The following ORC3 variants were observed in gnomAD, a reference collection of about 807,000 sequenced individuals.
ORC3 encodes homolog of latheo, Drosophila.
In ORC3, 78 loss-of-function variants were observed where a neutral mutation model predicts 100.7. That is an observed-to-expected ratio of 0.77 (90% confidence interval 0.65 to 0.94). ORC3 has a LOEUF of 0.94. Among genes scored for constraint, ORC3 ranks in the 40% least tolerant of loss-of-function variants. The pLI, the probability that ORC3 is intolerant of heterozygous loss-of-function variation, is 0.00. For missense variants in ORC3, 789 were observed against 823.9 expected (o/e 0.96, Z 0.52); for synonymous variants, 295 against 289.3 (o/e 1.02, Z -0.20).
chr6:87,668,037 TACAACTC>T (rs1770753494), downstream of ORC3, among the ~76,000 whole-genome samples: 1 of 152,060 alleles, frequency 6.6e-6, no homozygotes, highest in Non-Finnish European at 1.5e-5. Flanking sequence ...CCCAAACAAA[TACAACTC>T]AGATGAGCAA....
intron 11 of ORC3, among the ~76,000 whole-genome samples, chr6:87,627,331 T>C (rs71572769): frequency 0.058 from 7,910 of 136,914 alleles, 301 homozygotes; most frequent in African/African-American, 0.11. Flanking sequence ...GGTCTCGCTC[T>C]ATCGCCCAGG....
chr6:87,660,374 G>T (rs555362123), intron 16 of ORC3, among the ~76,000 whole-genome samples: 2 of 152,336 alleles, frequency 1.3e-5, no homozygotes, highest in African/African-American at 4.8e-5. Context: ...GGCAGCTAAA[G>T]GCCAGAGAGG....
downstream of ORC3, among the ~76,000 whole-genome samples, chr6:87,672,141 A>G (rs1770847197): frequency 6.6e-6 from 1 of 152,202 alleles, no homozygotes; most frequent in South Asian, 2.1e-4. Context: ...ACTCGATGTT[A>G]AATTAGGGAA....
intron 16 of ORC3, among the ~76,000 whole-genome samples, chr6:87,659,052 A>C (rs1041986709): frequency 7.8e-6 from 1 of 127,970 alleles, no homozygotes; most frequent in Admixed American, 7.9e-5. Flanking sequence ...ATCATTGTTT[A>C]TTGTAATTTT....
At chr6:87,621,635 A>G (rs1422244386) in intron 10 of ORC3, 148 bp downstream of exon 10, 1 of 677,038 alleles carries the variant, frequency 1.5e-6, no homozygotes, top group African/African-American at 1.9e-5. Context: ...GGATTTGAAA[A>G]TTTGGCAAAA....
chr6:87,639,429 C>T lies in ORC3; in HGVS notation c.1382+2943C>T, dbSNP rs551476563. Among the ~76,000 whole-genome samples the T allele has an allele frequency of 5.3e-5, 8 of 152,272 alleles. No individual in the cohort carries two copies. The South Asian group carries it at 1.0e-3, about 20-fold the overall frequency. On this transcript the variant is annotated intron_variant, in intron 13 of 19. Coordinates refer to ENST00000392844, the MANE Select transcript of ORC3 (RefSeq NM_012381.4). ...CTACCTTCCCCCAACAACTCTCTTG[C>T]GTGTTAGAGAGAAGGGGCCCTCCCA... is the stretch of plus-strand genomic sequence containing the variant.
At chr6:87,649,598 T>C (rs1430021144) in intron 13 of ORC3, among the ~76,000 whole-genome samples, 1 of 152,028 alleles carries the variant, frequency 6.6e-6, no homozygotes, top group East Asian at 1.9e-4. Context: ...AAATACAAAA[T>C]TAGCCGGCGT....
chr6:87,666,188 G>C (rs1375395669), intron 19 of ORC3, among the ~76,000 whole-genome samples: 1 of 152,178 alleles, frequency 6.6e-6, no homozygotes, highest in Non-Finnish European at 1.5e-5. Context: ...CTGGAGTGCA[G>C]TAGTGCGATC....
chr6:87,673,271 G>A, the ORC3 span, among the ~76,000 whole-genome samples: 3 of 145,818 alleles, frequency 2.1e-5, no homozygotes, highest in Admixed American at 7.0e-5. Flanking sequence ...AGCGATTCTC[G>A]TGCTTCAGCC....
chr6:87,675,382 T>C, the ORC3 span: 1 of 609,110 alleles, frequency 1.6e-6, no homozygotes, highest in Non-Finnish European at 2.9e-6. Context: ...GCCACTGGTA[T>C]TAATACAGGT....
the ORC3 span, chr6:87,675,648 C>CA: frequency 9.3e-6 from 15 of 1,609,610 alleles, no homozygotes; most frequent in African/African-American, 1.7e-4. Context: ...AAATACAGGT[C>CA]AAAATCCAAA....
rs979546587 is a variant in ORC3 at position 87,593,787 on chromosome 6, C to G, written c.25-566C>G. Among the ~76,000 whole-genome samples the G allele has an allele frequency of 4.3e-4, 65 of 152,360 alleles. 1 individual carries two copies. Among genetic ancestry groups the G allele is most frequent in the African/African-American group, 1.6e-3 (65 of 41,578 alleles). On this transcript the variant is annotated intron_variant, in intron 1 of 19. Coordinates refer to ENST00000392844, the MANE Select transcript of ORC3 (RefSeq NM_012381.4). Reference sequence around the variant, plus strand: ...TCTCAGCCCACTGCAGCCTCCATCTCCAGGGTTCAAGTGATTCTTCTGTCT... The same window carrying G: ...TCTCAGCCCACTGCAGCCTCCATCTGCAGGGTTCAAGTGATTCTTCTGTCT...
intron 1 of ORC3, among the ~76,000 whole-genome samples, chr6:87,591,776 G>C (rs982740010): frequency 3.3e-5 from 5 of 151,790 alleles, no homozygotes; most frequent in Non-Finnish European, 7.4e-5. Flanking sequence ...TCTGTTACCA[G>C]GCTGGAGTGC....
intron 13 of ORC3, among the ~76,000 whole-genome samples, chr6:87,636,978 A>C (rs1451900819): frequency 1.3e-5 from 2 of 152,222 alleles, no homozygotes; most frequent in Non-Finnish European, 2.9e-5. Context: ...TGGCTAATTC[A>C]TAAATTATTT....
chr6:87,613,067 T>G (rs996525012), intron 8 of ORC3, among the ~76,000 whole-genome samples: 6 of 152,218 alleles, frequency 3.9e-5, no homozygotes, highest in African/African-American at 1.4e-4. Context: ...GTATGATTCT[T>G]TAATATTGAC....
rs565694522 is a variant in ORC3, at chr6:87,632,746, C to T, written c.1186-2099C>T. 4.6e-5 allele frequency among the ~76,000 whole-genome samples: 7 copies of T among 151,882 alleles called. No individual in the cohort carries two copies. The East Asian group carries it at 1.4e-3, about 29-fold the overall frequency. Reference sequence around the variant, plus strand: ...GGGCATGGTGGCAGGCACCTGTAATCCCAGCTACTCAGGAGGCTGAGGCAA... The same window carrying T: ...GGGCATGGTGGCAGGCACCTGTAATTCCAGCTACTCAGGAGGCTGAGGCAA... On this transcript the variant is annotated intron_variant, in intron 11 of 19. Transcript: ENST00000392844.
chr6:87,653,148 T>C lies in ORC3; in HGVS notation c.1415T>C (p.Leu472Pro), dbSNP rs748085868. 5.6e-6 allele frequency: 9 copies of C among 1,613,506 alleles called. No homozygotes were observed. The highest frequency in any genetic ancestry group is 7.6e-6 in the Non-Finnish European group (9 of 1,179,582). ...MLAKDELMTI[L>P]EKCFKVFKSY... ...GCAAAGGATGAACTGATGACCATACTTGAGAAATGTTTCAAGGTTTTTAAG... is the reference window on the plus strand; with the variant it reads ...GCAAAGGATGAACTGATGACCATACCTGAGAAATGTTTCAAGGTTTTTAAG... The change falls in exon 14 of 20, where the codon CTT becomes CCT. Residue 472 changes from leucine (L) to proline (P), a missense_variant. Leu to Pro is a moderately conservative substitution (Grantham distance 98). Around this residue, in one of 3 missense-constraint regions of ORC3, gnomAD observed 366 missense variants for 394.2 expected, o/e 0.93. Transcript: ENST00000392844.
At chr6:87,624,880 T>C (rs1779783235) in intron 11 of ORC3, among the ~76,000 whole-genome samples, 1 of 152,272 alleles carries the variant, frequency 6.6e-6, no homozygotes, top group Non-Finnish European at 1.5e-5. Flanking sequence ...GTGTGTGATG[T>C]TCCCCACCCT....
At chr6:87,627,713 A>G (rs1258746055) in intron 11 of ORC3, among the ~76,000 whole-genome samples, 1 of 152,170 alleles carries the variant, frequency 6.6e-6, no homozygotes, top group African/African-American at 2.4e-5. Context: ...AGACATGCCT[A>G]CCATTAGAGT....
Sources: allele counts gnomAD v4.1 joint callset (sites outside exome capture counted in the v4.1 genomes callset), GRCh38; gene constraint gnomAD v4.1.1; regional missense constraint gnomAD v4.1.1; transcripts MANE v1.5; gene names NCBI Gene and HGNC (gene_info 2026-07-23, HGNC 2026-07-21).